The following ITFG1 variants were observed in gnomAD, a reference collection of about 807,000 sequenced individuals.
ITFG1 encodes the protein T-cell immunomodulatory protein.
Under a neutral mutation model 81.8 loss-of-function variants are expected in ITFG1, and 34 were observed. That is an observed-to-expected ratio of 0.42 (90% confidence interval 0.32 to 0.55). The LOEUF is 0.55. Ranked by LOEUF, ITFG1 falls within the 20% of genes least tolerant of loss-of-function variation. The pLI, the probability that ITFG1 is intolerant of heterozygous loss-of-function variation, is 0.17. For synonymous variants in ITFG1, 285 were observed against 270.6 expected (o/e 1.05, Z -0.52); for missense variants, 672 against 755.4 (o/e 0.89, Z 1.29).
At chr16:47,417,548 C>G (rs1483039577) in intron 6 of ITFG1, among the ~76,000 whole-genome samples, 1 of 152,190 alleles carries the variant, frequency 6.6e-6, no homozygotes, top group African/African-American at 2.4e-5. Flanking sequence ...TCATCTCCCA[C>G]TCTACACTTT....
intron 8 of ITFG1, among the ~76,000 whole-genome samples, chr16:47,344,298 A>T (rs1405245910): frequency 2.0e-5 from 3 of 152,348 alleles, no homozygotes; most frequent in African/African-American, 4.8e-5. Flanking sequence ...CCAAATTTTT[A>T]AAAAAGTAGA....
At chr16:47,385,524 A>C (rs1186985834) in intron 6 of ITFG1, among the ~76,000 whole-genome samples, 2 of 152,362 alleles carry the variant, frequency 1.3e-5, no homozygotes, top group Middle Eastern at 3.4e-3. Context: ...ATTAAACATG[A>C]AAATAAAATG....
At chr16:47,173,838 C>T (rs969077243) in intron 14 of ITFG1, among the ~76,000 whole-genome samples, 9 of 152,212 alleles carry the variant, frequency 5.9e-5, no homozygotes, top group South Asian at 2.1e-4. Context: ...GTCAGGAGTT[C>T]GAGACCAGCC....
At chr16:47,155,859 A>G (rs1268333925) in intron 17 of ITFG1, 81 bp from the exon 18 acceptor site, 1 of 1,018,752 alleles carries the variant, frequency 9.8e-7, no homozygotes, top group East Asian at 2.5e-5. Flanking sequence ...ACAGTGATTC[A>G]TTTTTAAAAG....
rs1490946591 is a variant in ITFG1, at chr16:47,460,947, C to A, written c.99G>T (p.Ala33=). 1 of 1,610,318 alleles carries A rather than the reference C, an allele frequency of 6.2e-7. No homozygotes were observed. Among genetic ancestry groups the A allele is most frequent in the East Asian group, 2.2e-5 (1 of 44,804 alleles). Residue 33 remains alanine, a synonymous_variant, in exon 1 of 18, where the codon GCG becomes GCT. Transcript: ENST00000320640. The part of the protein sequence containing the change: ...LLGVGPVPAR[A]LHNVTAELFG... Reference sequence around the variant, plus strand: ...AGAGCTCGGCCGTGACGTTGTGCAGCGCCCGCGCTGGGACCGGCCCGACTC... The same window carrying A: ...AGAGCTCGGCCGTGACGTTGTGCAGAGCCCGCGCTGGGACCGGCCCGACTC...
chr16:47,264,638 C>CTGG (rs770037646), intron 10 of ITFG1, among the ~76,000 whole-genome samples: 17 of 151,238 alleles, frequency 1.1e-4, no homozygotes, highest in Non-Finnish European at 2.2e-4. Flanking sequence ...CGAGAAATTC[C>CTGG]AGATGACAGT....
At chr16:47,347,065 G>A (rs1022050663) in intron 8 of ITFG1, among the ~76,000 whole-genome samples, 7 of 152,286 alleles carry the variant, frequency 4.6e-5, no homozygotes, top group Admixed American at 3.3e-4. Context: ...CGATTGGGGC[G>A]GTTCCAAGAT....
At chr16:47,276,948 C>T (rs1308206622) in intron 10 of ITFG1, among the ~76,000 whole-genome samples, 3 of 152,058 alleles carry the variant, frequency 2.0e-5, no homozygotes, top group East Asian at 1.9e-4. Flanking sequence ...TTTATGACCA[C>T]AAGATAGATC....
At chr16:47,194,368 C>T (rs1221408541) in intron 14 of ITFG1, among the ~76,000 whole-genome samples, 1 of 152,140 alleles carries the variant, frequency 6.6e-6, no homozygotes, top group African/African-American at 2.4e-5. Flanking sequence ...TTTTCATATT[C>T]ACAGCACCTG....
rs745996396 is a variant in ITFG1, at chr16:47,460,959, G to C, written c.87C>G (p.Val29=). 1.2e-5 allele frequency: 19 copies of C among 1,605,062 alleles called. No homozygotes were observed. The highest frequency in any genetic ancestry group is 1.6e-5 in the Non-Finnish European group (19 of 1,176,124). The change falls in exon 1 of 18, where the codon GTC becomes GTG. Residue 29 remains valine (V), a synonymous_variant. Transcript: ENST00000320640. ...TGACGTTGTGCAGCGCCCGCGCTGG[G>C]ACCGGCCCGACTCCCAGTAGTGCAA... ...AGLALLGVGP[V]PARALHNVTA... is the part of the protein sequence containing the mutation.
At chr16:47,459,243 G>T in intron 1 of ITFG1, 68 bp from the exon 2 acceptor site, 1 of 1,052,184 alleles carries the variant, frequency 9.5e-7, no homozygotes, top group Non-Finnish European at 1.5e-6. Context: ...GTGGTTACAA[G>T]AAGGTTTCTG....
intron 5 of ITFG1, among the ~76,000 whole-genome samples, chr16:47,450,645 G>C (rs977272879): frequency 6.6e-6 from 1 of 152,158 alleles, no homozygotes; most frequent in Non-Finnish European, 1.5e-5. Flanking sequence ...AGATTGATAA[G>C]GGTGGTCCTT....
chr16:47,227,617 T>G (rs1245815451), intron 13 of ITFG1, among the ~76,000 whole-genome samples: 1 of 152,186 alleles, frequency 6.6e-6, no homozygotes, highest in Non-Finnish European at 1.5e-5. Flanking sequence ...GAGACTTTTT[T>G]AGTAAGCCAA....
chr16:47,220,316 C>T (rs934532702), intron 13 of ITFG1, among the ~76,000 whole-genome samples: 8 of 152,308 alleles, frequency 5.3e-5, no homozygotes, highest in South Asian at 2.1e-4. Flanking sequence ...AGACATCTCG[C>T]GTTTTACACT....
At chr16:47,213,844 C>A (rs1965594205) in intron 14 of ITFG1, among the ~76,000 whole-genome samples, 1 of 152,114 alleles carries the variant, frequency 6.6e-6, no homozygotes, top group Non-Finnish European at 1.5e-5. Context: ...TGATCTGTAT[C>A]CTTCATAATA....
chr16:47,439,123 G>T (rs749068299), intron 5 of ITFG1, among the ~76,000 whole-genome samples: 5 of 152,246 alleles, frequency 3.3e-5, no homozygotes, highest in Non-Finnish European at 7.4e-5. Context: ...AGCGTGAATA[G>T]AAGTTTAGAG....
intron 14 of ITFG1, among the ~76,000 whole-genome samples, chr16:47,181,597 G>A: frequency 6.6e-6 from 1 of 150,644 alleles, no homozygotes; most frequent in Non-Finnish European, 1.5e-5. Context: ...CCGTCCAGGA[G>A]GGAGGTGAGG....
intron 10 of ITFG1, among the ~76,000 whole-genome samples, chr16:47,294,959 TCAATGTTTC>T (rs1480004819): frequency 6.6e-6 from 1 of 152,120 alleles, no homozygotes; most frequent in East Asian, 1.9e-4. Flanking sequence ...GGAAGAGCTT[TCAATGTTTC>T]CACATTCAGT....
intron 10 of ITFG1, among the ~76,000 whole-genome samples, chr16:47,294,884 C>T (rs772088605): frequency 1.1e-4 from 17 of 151,994 alleles, no homozygotes; most frequent in Admixed American, 2.0e-4. Context: ...CTGGTTAGGA[C>T]GTCCGGTATT....
Sources: allele counts gnomAD v4.1 joint callset (sites outside exome capture counted in the v4.1 genomes callset), GRCh38; gene constraint gnomAD v4.1.1; transcripts MANE v1.5; gene names NCBI Gene and HGNC (gene_info 2026-07-23, HGNC 2026-07-21).